Variants in EEFSEC observed in about 807,000 individuals in gnomAD.
EEFSEC encodes selenocysteine-specific elongation factor.
A neutral mutation model predicts 42.1 loss-of-function variants in EEFSEC; 43 were observed. That is an observed-to-expected ratio of 1.02 (90% CI 0.80 to 1.32). The LOEUF (loss-of-function observed/expected upper bound fraction) is 1.32, where lower values mean the gene tolerates loss of function less well. Among genes scored for constraint, EEFSEC ranks in the 40% most tolerant of loss-of-function variants. The pLI is 0.00. For missense variants in EEFSEC, 745 were observed against 803.6 expected, an observed-to-expected ratio of 0.93 and a Z score of 0.88; for synonymous variants, 354 against 339.1, an observed-to-expected ratio of 1.04 and a Z score of -0.48.
chr3:128,345,214 G>A lies in EEFSEC; in HGVS notation c.1443+3325G>A, dbSNP rs140310463. On this transcript the variant is annotated intron_variant, in intron 5 of 6. Transcript: ENST00000254730. ...ACATAAGGTTCTGAGATCAGTGCTTGTCTCCTACTGCATCGTTATTGTTTT... is the reference window on the plus strand; with the variant it reads ...ACATAAGGTTCTGAGATCAGTGCTTATCTCCTACTGCATCGTTATTGTTTT... 3.7e-4 allele frequency among the ~76,000 whole-genome samples: 57 copies of A among 152,318 alleles called. No homozygotes were observed. In the Middle Eastern group the frequency reaches 0.01, roughly 27 times the overall value.
Position 128,354,098 on chromosome 3 carries a change from T to C in EEFSEC, c.1444-4119T>C, listed in dbSNP as rs186268257. ...AAAGATCCACCCAGCTGCTGTGAAATGACAGTGTGGGGCCACCAGCAGGCA... is the reference window on the plus strand; with the variant it reads ...AAAGATCCACCCAGCTGCTGTGAAACGACAGTGTGGGGCCACCAGCAGGCA... On this transcript the variant is annotated intron_variant, in intron 5 of 6. Transcript: ENST00000254730. Among the ~76,000 whole-genome samples the C allele has an allele frequency of 3.1e-3, 470 of 152,142 alleles. 3 individuals are homozygous for C. The highest frequency in any genetic ancestry group is 5.3e-3 in the Non-Finnish European group (363 of 67,980).
chr3:128,315,098 G>A (rs1029097319), intron 4 of EEFSEC, among the ~76,000 whole-genome samples: 1 of 152,240 alleles, frequency 6.6e-6, no homozygotes, highest in African/African-American at 2.4e-5. Context: ...GCTGGGTTGT[G>A]AAGCCAGACT....
the EEFSEC span, among the ~76,000 whole-genome samples, chr3:128,419,852 G>A: frequency 6.6e-6 from 1 of 152,178 alleles, no homozygotes; most frequent in South Asian, 2.1e-4. Flanking sequence ...CCGTAGCTCT[G>A]GGGCCAGAGA....
chr3:128,185,574 T>C (rs146498146), intron 1 of EEFSEC, among the ~76,000 whole-genome samples: 50 of 152,304 alleles, frequency 3.3e-4, no homozygotes, highest in Admixed American at 4.6e-4. Flanking sequence ...AATATTTTCT[T>C]TTTTTGAAAT....
At chr3:128,188,105 G>T (rs913255154) in intron 1 of EEFSEC, among the ~76,000 whole-genome samples, 1 of 152,156 alleles carries the variant, frequency 6.6e-6, no homozygotes. Context: ...GGTTGGAGGG[G>T]AGAGAGGCCA....
chr3:128,420,906 C>A, the EEFSEC span, among the ~76,000 whole-genome samples: 1 of 152,142 alleles, frequency 6.6e-6, no homozygotes, highest in African/African-American at 2.4e-5. Flanking sequence ...GTTCCAGAAG[C>A]GGCGGCCCTT....
intron 1 of EEFSEC, among the ~76,000 whole-genome samples, chr3:128,203,032 T>C (rs1576542234): frequency 6.6e-6 from 1 of 152,316 alleles, no homozygotes; most frequent in South Asian, 2.1e-4. Flanking sequence ...ACCCAATATA[T>C]TTTTTAACAT....
At chr3:128,367,795 C>G (rs2067607750) in intron 6 of EEFSEC, 1 of 985,320 alleles carries the variant, frequency 1.0e-6, no homozygotes, top group Admixed American at 6.1e-5. Context: ...AAGAAACCAG[C>G]TCTACAATAA....
chr3:128,314,364 G>A (rs2066922924), intron 4 of EEFSEC, among the ~76,000 whole-genome samples: 1 of 151,930 alleles, frequency 6.6e-6, no homozygotes, highest in African/African-American at 2.4e-5. Context: ...TATTTTTTGA[G>A]ACAGAGTCTT....
chr3:128,205,899 T>G (rs1576544175), intron 1 of EEFSEC, among the ~76,000 whole-genome samples: 1 of 152,336 alleles, frequency 6.6e-6, no homozygotes, highest in Middle Eastern at 3.4e-3. Context: ...AAAACTATTC[T>G]TGTAAAGAAT....
chr3:128,326,217 G>A (rs1227026877), intron 4 of EEFSEC, among the ~76,000 whole-genome samples: 2 of 152,246 alleles, frequency 1.3e-5, no homozygotes, highest in African/African-American at 4.8e-5. Context: ...AAATATATTG[G>A]TGTCTTCAGA....
intron 2 of EEFSEC, among the ~76,000 whole-genome samples, chr3:128,257,760 G>T (rs1038025893): frequency 6.6e-6 from 1 of 152,120 alleles, no homozygotes; most frequent in Non-Finnish European, 1.5e-5. Context: ...GCATAACCAG[G>T]TTCAGCATAA....
chr3:128,186,250 G>C (rs1206051463), intron 1 of EEFSEC, among the ~76,000 whole-genome samples: 1 of 152,136 alleles, frequency 6.6e-6, no homozygotes, highest in Admixed American at 6.5e-5. Context: ...TGCCTATTCA[G>C]CTCTTTGTTC....
intron 4 of EEFSEC, among the ~76,000 whole-genome samples, chr3:128,268,822 C>T (rs1378128891): frequency 2.0e-5 from 3 of 152,092 alleles, no homozygotes; most frequent in East Asian, 3.9e-4. Context: ...CCTGCTGACA[C>T]GTCGATTTGG....
intron 1 of EEFSEC, among the ~76,000 whole-genome samples, chr3:128,162,824 G>A (rs2107763296): frequency 6.6e-6 from 1 of 152,306 alleles, no homozygotes; most frequent in East Asian, 1.9e-4. Flanking sequence ...CAAATATTTT[G>A]CTGGAAGGTT....
intron 4 of EEFSEC, among the ~76,000 whole-genome samples, chr3:128,341,021 C>T (rs1366140252): frequency 6.6e-6 from 1 of 152,172 alleles, no homozygotes; most frequent in African/African-American, 2.4e-5. Flanking sequence ...GGCCCTGGCC[C>T]TGCTTTGCTG....
chr3:128,408,382 C>A lies in EEFSEC; in HGVS notation c.*123C>A. The stretch of plus-strand genomic sequence containing the variant: ...CCTGCAGTCCTGCAGCAGCAGCCCC[C>A]ACCCCCAAGCTTGGTGCTGAGCCCT... On this transcript the variant is annotated 3_prime_UTR_variant, in exon 7 of 7. Coordinates refer to ENST00000254730, the MANE Select transcript of EEFSEC (RefSeq NM_021937.5). 3 of 1,098,116 alleles carry A rather than the reference C, an allele frequency of 2.7e-6. No individual in the cohort carries two copies. The highest frequency in any genetic ancestry group is 3.8e-6 in the Non-Finnish European group (3 of 781,060). 68.0% of individuals were successfully genotyped at this position (1,098,116 alleles called of 1,614,324 possible).
intron 1 of EEFSEC, among the ~76,000 whole-genome samples, chr3:128,180,578 G>A (rs145488492): frequency 2.0e-5 from 3 of 152,356 alleles, no homozygotes; most frequent in African/African-American, 7.2e-5. Flanking sequence ...AGGATGGTGT[G>A]GAACAACAGC....
Position 128,153,591 on chromosome 3 carries a change from C to T in EEFSEC, c.84C>T (p.Ser28=), listed in dbSNP as rs773830305. The T allele has an allele frequency of 6.3e-7, 1 of 1,581,642 alleles. No homozygotes were observed. Among genetic ancestry groups the T allele is most frequent in the Non-Finnish European group, 8.5e-7 (1 of 1,170,842 alleles). ...AGACGGCGCTGGCGCGGGCGCTAAG[C>T]ACCACAGCCTCCACCGCCGCCTTTG... The part of the protein sequence containing the change: ...SGKTALARAL[S]TTASTAAFDK... The change falls in exon 1 of 7, where the codon AGC becomes AGT. Residue 28 remains serine, a synonymous_variant. Coordinates refer to ENST00000254730, the MANE Select transcript of EEFSEC (RefSeq NM_021937.5).
Sources: allele counts gnomAD v4.1 joint callset (sites outside exome capture counted in the v4.1 genomes callset), GRCh38; gene constraint gnomAD v4.1.1; transcripts MANE v1.5; gene names NCBI Gene and HGNC (gene_info 2026-07-23, HGNC 2026-07-21).